The following ZBTB16 variants were observed in gnomAD, a reference collection of about 807,000 sequenced individuals.
ZBTB16 encodes zinc finger and BTB domain containing 16, also known as zinc finger and BTB domain-containing protein 16.
In ZBTB16, 8 loss-of-function variants were observed where a neutral mutation model predicts 56.8. That is an observed-to-expected ratio of 0.14 (90% confidence interval 0.08 to 0.25). The LOEUF is 0.25. Ranked by LOEUF, ZBTB16 falls within the 10% of genes least tolerant of loss-of-function variation. ZBTB16 has a pLI of 1.00. For synonymous variants in ZBTB16, 363 were observed against 368.5 expected, an observed-to-expected ratio of 0.98 and a Z score of 0.17; for missense variants, 625 against 903.0, an observed-to-expected ratio of 0.69 and a Z score of 3.95.
intron 4 of ZBTB16, among the ~76,000 whole-genome samples, chr11:114,229,968 G>A (rs1351736306): frequency 9.9e-5 from 15 of 152,120 alleles, no homozygotes; most frequent in South Asian, 2.1e-4. Flanking sequence ...TCCTCTGAAC[G>A]CAGTGAAATC....
intron 2 of ZBTB16, among the ~76,000 whole-genome samples, chr11:114,104,458 C>T (rs1565627583): frequency 2.0e-5 from 3 of 152,172 alleles, no homozygotes; most frequent in African/African-American, 4.8e-5. Flanking sequence ...CTTTCACCTA[C>T]CTCCTTCTTT....
At chr11:114,098,327 C>G (rs1940490737) in intron 2 of ZBTB16, among the ~76,000 whole-genome samples, 1 of 152,024 alleles carries the variant, frequency 6.6e-6, no homozygotes, top group Non-Finnish European at 1.5e-5. Flanking sequence ...TAGGGGCGCA[C>G]TATATATATA....
intron 4 of ZBTB16, among the ~76,000 whole-genome samples, chr11:114,200,504 G>C (rs533451468): frequency 1.3e-5 from 2 of 152,124 alleles, no homozygotes; most frequent in Non-Finnish European, 2.9e-5. Context: ...CACCACTAAG[G>C]GGGGCTTCAC....
chr11:114,137,348 C>T (rs570034700), intron 2 of ZBTB16, among the ~76,000 whole-genome samples: 1 of 152,290 alleles, frequency 6.6e-6, no homozygotes, highest in Non-Finnish European at 1.5e-5. Flanking sequence ...CCCTAGCTCT[C>T]AGGAGGAAGA....
intron 2 of ZBTB16, among the ~76,000 whole-genome samples, chr11:114,083,512 C>T (rs1791807): frequency 0.54 from 82,458 of 151,900 alleles, 24,919 homozygotes; most frequent in African/African-American, 0.81. Context: ...TGCCTTTCCC[C>T]TCCAAGCTTC....
intron 4 of ZBTB16, among the ~76,000 whole-genome samples, chr11:114,227,614 T>G (rs544890504): frequency 5.3e-5 from 8 of 152,246 alleles, no homozygotes; most frequent in African/African-American, 1.9e-4. Flanking sequence ...ACCTTGAACT[T>G]AAAGCAAGTC....
intron 2 of ZBTB16, among the ~76,000 whole-genome samples, chr11:114,118,076 C>A (rs1941231793): frequency 6.6e-6 from 1 of 152,158 alleles, no homozygotes; most frequent in Non-Finnish European, 1.5e-5. Flanking sequence ...CACAGGACCC[C>A]AGGTGTGTGT....
At chr11:114,160,036 C>T (rs1942543239) in intron 3 of ZBTB16, among the ~76,000 whole-genome samples, 1 of 151,646 alleles carries the variant, frequency 6.6e-6, no homozygotes, top group Admixed American at 6.6e-5. Context: ...AATGTTGCTG[C>T]CCTTGCACTG....
At chr11:114,174,067 T>C (rs1177656536) in intron 3 of ZBTB16, among the ~76,000 whole-genome samples, 2 of 152,212 alleles carry the variant, frequency 1.3e-5, no homozygotes, top group Non-Finnish European at 2.9e-5. Flanking sequence ...CTTTAAGTGC[T>C]GGGAGGGGCA....
At chr11:114,152,756 C>T (rs1942308333) in intron 2 of ZBTB16, among the ~76,000 whole-genome samples, 1 of 152,116 alleles carries the variant, frequency 6.6e-6, no homozygotes, top group Admixed American at 6.5e-5. Flanking sequence ...AACTCTACCA[C>T]CAACTAAGGC....
At chr11:114,112,441 TAG>T (rs1229701118) in intron 2 of ZBTB16, among the ~76,000 whole-genome samples, 5 of 151,952 alleles carry the variant, frequency 3.3e-5, no homozygotes, top group African/African-American at 1.2e-4. Context: ...AAGGGAGGGA[TAG>T]AGAGGGCACG....
Position 114,060,920 on chromosome 11 carries a change from C to G in ZBTB16, c.-91+1038C>G. On this transcript the variant is annotated intron_variant, in intron 1 of 6. Coordinates refer to ENST00000335953, the MANE Select transcript of ZBTB16 (RefSeq NM_006006.6). The surrounding 1 kb of genome is among the most constrained non-coding windows in gnomAD (Gnocchi z 6.0). ...TTCTCGCCTTTCCTCCCACAACTCG[C>G]TGCGGGGCTTTTGTGCTTCCCCTTC... Among the ~76,000 whole-genome samples, 1 of 152,148 alleles carries G rather than the reference C, an allele frequency of 6.6e-6. No individual in the cohort carries two copies. Among genetic ancestry groups the G allele is most frequent in the Non-Finnish European group, 1.5e-5 (1 of 68,002 alleles).
chr11:114,104,545 GTGT>G (rs563969282), intron 2 of ZBTB16, among the ~76,000 whole-genome samples: 88 of 152,274 alleles, frequency 5.8e-4, no homozygotes, highest in Admixed American at 1.7e-3. Flanking sequence ...GAGTGGATTG[GTGT>G]TGTTTTGCTG....
intron 4 of ZBTB16, among the ~76,000 whole-genome samples, chr11:114,199,488 C>T (rs147396407): frequency 3.3e-5 from 5 of 152,378 alleles, no homozygotes; most frequent in East Asian, 1.9e-4. Flanking sequence ...TGCCCTTCCC[C>T]GGCCTCCCAC....
rs1239753496 is a variant in ZBTB16 at position 114,255,144 on chromosome 11, G to C, written c.*4589G>C. 2.0e-5 allele frequency among the ~76,000 whole-genome samples: 3 copies of C among 152,144 alleles called. No homozygotes were observed. Among genetic ancestry groups the C allele is most frequent in the Non-Finnish European group, 4.4e-5 (3 of 68,036 alleles). On this transcript the variant is annotated 3_prime_UTR_variant, in exon 7 of 7. Transcript: ENST00000335953. ...ATATGTATGTAAATTATAGCACTGA[G>C]GGCCCTGCTGCCCTGCTGGACCAAG...
rs373873980 is a variant in ZBTB16 at position 114,061,335 on chromosome 11, C to T, written c.-91+1453C>T. On this transcript the variant is annotated intron_variant, in intron 1 of 6. Transcript: ENST00000335953. ...AGGACCCAAAAGGCTTGTTTCAGGG[C>T]GCCAAGCTTCCATTCTTTTGGCTGT... is the stretch of plus-strand genomic sequence containing the variant. 23 of 152,298 alleles carry T rather than the reference C, an allele frequency of 1.5e-4. No homozygotes were observed. In the East Asian group the frequency reaches 3.7e-3, roughly 24 times the overall value. The allele number at this position is 152,298 out of a possible 1,614,324, so 9.4% of individuals were successfully genotyped here.
At chr11:114,183,322 C>T (rs973952927) in intron 3 of ZBTB16, among the ~76,000 whole-genome samples, 2 of 152,150 alleles carry the variant, frequency 1.3e-5, no homozygotes, top group African/African-American at 4.8e-5. Flanking sequence ...TGTGGTCAGG[C>T]TTGGGCCGAG....
At chr11:114,203,179 G>T (rs1310728681) in intron 4 of ZBTB16, among the ~76,000 whole-genome samples, 1 of 152,144 alleles carries the variant, frequency 6.6e-6, no homozygotes, top group Admixed American at 6.5e-5. Flanking sequence ...TGGAAATCCC[G>T]TGCTAAGTGA....
chr11:114,115,839 C>A (rs1244753946), intron 2 of ZBTB16, among the ~76,000 whole-genome samples: 2 of 152,134 alleles, frequency 1.3e-5, no homozygotes, highest in Admixed American at 6.5e-5. Context: ...GCTGCCCCTA[C>A]CCTGCAGTAG....
Sources: gnomAD v4.1 joint callset for allele counts (sites outside exome capture counted in the v4.1 genomes callset) on GRCh38, gnomAD v4.1.1 for gene constraint, Gnocchi (gnomAD v3.1) non-coding constraint, MANE v1.5 for transcripts, NCBI Gene and HGNC (gene_info 2026-07-23, HGNC 2026-07-21) for gene names.